Variants in FLRT1 observed in about 807,000 individuals in gnomAD.
FLRT1 encodes the protein fibronectin leucine rich transmembrane protein 1.
FLRT1 carries 14 observed loss-of-function variants against 30.9 expected under a neutral mutation model. The observed-to-expected ratio is 0.45, with a 90% CI of 0.30 to 0.71. The LOEUF is 0.71. Ranked by LOEUF, FLRT1 falls within the 30% of genes least tolerant of loss-of-function variation. FLRT1 has a pLI of 0.08. For missense variants in FLRT1, 737 were observed against 949.2 expected (o/e 0.78, Z 2.94); for synonymous variants, 368 against 430.4 (o/e 0.85, Z 1.80).
intron 1 of FLRT1, among the ~76,000 whole-genome samples, chr11:64,086,024 T>C (rs951684594): frequency 2.2e-4 from 27 of 120,836 alleles, no homozygotes; most frequent in Admixed American, 8.4e-4. Flanking sequence ...AGGGTGGGGG[T>C]GGAGGTGGCC....
At chr11:64,107,630 T>C (rs754130717) in intron 2 of FLRT1, among the ~76,000 whole-genome samples, 17 of 152,182 alleles carry the variant, frequency 1.1e-4, no homozygotes, top group Non-Finnish European at 7.3e-5. Flanking sequence ...TTAAAAGAAT[T>C]CCCGCCCCAG....
In FLRT1 at chr11:64,116,944, G is replaced by T. The variant is rs771760157; in HGVS notation, c.677G>T (p.Arg226Leu). Residue 226 changes from arginine to leucine, a missense_variant, in exon 3 of 3, where the codon CGC becomes CTC. Arg to Leu is a moderately radical substitution (Grantham distance 102). Transcript: ENST00000682287. ...TTCAAGGGCCTCAACAGCCTGCGGC[G>T]CCTGGTGCTGGACGGTAACCTGCTG... ...HAFKGLNSLR[R>L]LVLDGNLLAN... 4 of 1,611,270 alleles carry T rather than the reference G, an allele frequency of 2.5e-6. No individual in the cohort carries two copies. The highest frequency in any genetic ancestry group is 2.5e-6 in the Non-Finnish European group (3 of 1,179,994).
rs1330644935 is a variant in FLRT1, at chr11:64,067,897, C to T, written c.-1038+31738C>T. Among the ~76,000 whole-genome samples the T allele has an allele frequency of 2.0e-5, 3 of 152,132 alleles. No individual in the cohort carries two copies. Among genetic ancestry groups the T allele is most frequent in the Non-Finnish European group, 4.4e-5 (3 of 68,026 alleles). On this transcript the variant is annotated intron_variant, in intron 1 of 2. Transcript: ENST00000682287. The surrounding 1 kb of genome is among the most constrained non-coding windows in gnomAD (Gnocchi z 4.6). ...GCTGCTGTCCATTTAGCCAGCGGTT[C>T]GCTCGGCTTTTAGGAGGGGGCTGGC...
At chr11:64,094,885 C>G (rs916766337) in intron 1 of FLRT1, among the ~76,000 whole-genome samples, 2 of 152,296 alleles carry the variant, frequency 1.3e-5, no homozygotes, top group Non-Finnish European at 2.9e-5. Context: ...TGGATTTCGC[C>G]GAATGTCCCA....
In FLRT1 at chr11:64,117,829, C is replaced by T. The variant is rs1378608432; in HGVS notation, c.1562C>T (p.Thr521Ile). ...ETSNAYVADE[T>I]PVCAKAETAD... ...AGCAATGCCTACGTAGCTGATGAGA[C>T]ACCCGTGTGTGCCAAGGCAGAGACA... Residue 521 changes from threonine to isoleucine, a missense_variant, in exon 3 of 3, where the codon ACA (threonine) becomes ATA (isoleucine). By Grantham distance (89) the Thr-to-Ile change is moderately conservative. Transcript: ENST00000682287. The T allele has an allele frequency of 1.9e-6, 3 of 1,614,218 alleles. No homozygotes were observed. Among genetic ancestry groups the T allele is most frequent in the Non-Finnish European group, 1.7e-6 (2 of 1,180,048 alleles).
intron 1 of FLRT1, among the ~76,000 whole-genome samples, chr11:64,050,316 G>C (rs901841912): frequency 6.6e-6 from 1 of 152,168 alleles, no homozygotes; most frequent in South Asian, 2.1e-4. Context: ...CCCAGAGCTT[G>C]ACTGAGTTTA....
intron 1 of FLRT1, among the ~76,000 whole-genome samples, chr11:64,047,464 C>T (rs964352474): frequency 6.6e-6 from 1 of 152,168 alleles, no homozygotes; most frequent in African/African-American, 2.4e-5. Context: ...AGCCGTAAAG[C>T]AGGTGGAGGA....
chr11:64,107,265 A>G (rs1944778542), intron 2 of FLRT1, among the ~76,000 whole-genome samples: 1 of 152,250 alleles, frequency 6.6e-6, no homozygotes, highest in Non-Finnish European at 1.5e-5. Flanking sequence ...ACAGACAGAA[A>G]TATCAGGTGT....
intron 1 of FLRT1, among the ~76,000 whole-genome samples, chr11:64,100,799 T>G (rs1423132446): frequency 1.3e-5 from 2 of 152,044 alleles, no homozygotes; most frequent in Non-Finnish European, 1.5e-5. Context: ...GCACAGACGC[T>G]GAGGAGCCCA....
chr11:64,117,466 C>T lies in FLRT1; in HGVS notation c.1199C>T (p.Ala400Val). The T allele has an allele frequency of 6.2e-7, 1 of 1,612,964 alleles. No homozygotes were observed. Among genetic ancestry groups the T allele is most frequent in the Non-Finnish European group, 8.5e-7 (1 of 1,179,196 alleles). ...AAAKTTASNH[A>V]SATTPQGSLF... ...GCCAAGACCACGGCCAGCAACCACG[C>T]CTCTGCCACCACGCCCCAGGGTTCC... Residue 400 changes from alanine to valine, a missense_variant, in exon 3 of 3, where the codon GCC (alanine) becomes GTC (valine). By Grantham distance (64) the Ala-to-Val change is moderately conservative. Coordinates refer to ENST00000682287, the MANE Select transcript of FLRT1 (RefSeq NM_013280.5).
intron 2 of FLRT1, among the ~76,000 whole-genome samples, chr11:64,115,949 G>C (rs1486563436): frequency 2.0e-5 from 3 of 152,188 alleles, no homozygotes. Flanking sequence ...GGAGGGCCGC[G>C]GCAGCACGGG....
At chr11:64,046,975 G>A (rs1237983138) in intron 1 of FLRT1, among the ~76,000 whole-genome samples, 1 of 152,154 alleles carries the variant, frequency 6.6e-6, no homozygotes, top group Non-Finnish European at 1.5e-5. Context: ...GAAGTCCAGC[G>A]CCCTCAGCCT....
chr11:64,072,000 A>G (rs937299913), intron 1 of FLRT1, among the ~76,000 whole-genome samples: 1 of 152,242 alleles, frequency 6.6e-6, no homozygotes, highest in Non-Finnish European at 1.5e-5. Context: ...GAGCCGCTCC[A>G]GCAGGTCGAT....
rs1943384318 is a variant in FLRT1 at position 64,036,549 on chromosome 11, C to T, written c.-1038+390C>T. 6.6e-6 allele frequency among the ~76,000 whole-genome samples: 1 copy of T among 152,152 alleles called. No individual in the cohort carries two copies. Among genetic ancestry groups the T allele is most frequent in the African/African-American group, 2.4e-5 (1 of 41,452 alleles). ...GGCCGGTCATGTGGGTCCCAGCTCC[C>T]GCACTCGGGAACCGGAGGAGGGCGC... is the stretch of plus-strand genomic sequence containing the variant. On this transcript the variant is annotated intron_variant, in intron 1 of 2. Transcript: ENST00000682287. This position sits in a 1 kb window ranked among gnomAD's most constrained non-coding sequence, Gnocchi z 5.6.
intron 1 of FLRT1, among the ~76,000 whole-genome samples, chr11:64,102,200 T>C (rs1281536285): frequency 2.6e-5 from 4 of 151,862 alleles, no homozygotes; most frequent in Admixed American, 2.0e-4. Flanking sequence ...CAAAGAGGGG[T>C]TCCTGCAGGG....
intron 1 of FLRT1, among the ~76,000 whole-genome samples, chr11:64,045,874 G>A (rs1265126881): frequency 1.3e-5 from 2 of 152,112 alleles, no homozygotes; most frequent in African/African-American, 4.8e-5. Context: ...ATGGCTTGAG[G>A]CCAGGAGTTT....
chr11:64,051,271 G>A (rs1015197262), intron 1 of FLRT1, among the ~76,000 whole-genome samples: 11 of 152,238 alleles, frequency 7.2e-5, no homozygotes, highest in Non-Finnish European at 1.3e-4. Flanking sequence ...CAGGGGAGGG[G>A]AGGGGCTGGT....
At chr11:64,111,977 TGTG>T (rs1052630705) in intron 2 of FLRT1, among the ~76,000 whole-genome samples, 4 of 152,060 alleles carry the variant, frequency 2.6e-5, no homozygotes, top group African/African-American at 9.7e-5. Context: ...CCCTCAGCAG[TGTG>T]GAGTCAAGCA....
chr11:64,067,000 T>C (rs774153174), intron 1 of FLRT1, among the ~76,000 whole-genome samples: 15 of 152,192 alleles, frequency 9.9e-5, no homozygotes, highest in Non-Finnish European at 1.6e-4. Context: ...GCCTCTGCCC[T>C]CACGCTAGGC....
Sources: allele counts gnomAD v4.1 joint callset (sites outside exome capture counted in the v4.1 genomes callset), GRCh38; gene constraint gnomAD v4.1.1; non-coding constraint Gnocchi (gnomAD v3.1); transcripts MANE v1.5; gene names NCBI Gene and HGNC (gene_info 2026-07-23, HGNC 2026-07-21).